The following GKAP1 variants were observed in gnomAD, a reference collection of about 807,000 sequenced individuals.
The protein encoded by GKAP1 is G kinase-anchoring protein 1.
A neutral mutation model predicts 56.7 loss-of-function variants in GKAP1; 31 were observed. The observed-to-expected ratio is 0.55, with a 90% CI of 0.41 to 0.74. The LOEUF (loss-of-function observed/expected upper bound fraction) is 0.74, where lower values mean the gene tolerates loss of function less well. Among genes scored for constraint, GKAP1 ranks in the 30% least tolerant of loss-of-function variants. The pLI, the probability that GKAP1 is intolerant of heterozygous loss-of-function variation, is 0.00. For synonymous variants in GKAP1, 151 were observed against 138.6 expected (o/e 1.09, Z -0.63); for missense variants, 364 against 402.3 (o/e 0.90, Z 0.82).
At chr9:83,744,705 G>C (rs1038039798) in intron 10 of GKAP1, among the ~76,000 whole-genome samples, 2 of 152,024 alleles carry the variant, frequency 1.3e-5, no homozygotes, top group Admixed American at 6.6e-5. Flanking sequence ...CTTTGAGACA[G>C]GTGTATTAGT....
intron 4 of GKAP1, among the ~76,000 whole-genome samples, chr9:83,795,490 TAG>T (rs1944229399): frequency 6.6e-6 from 1 of 152,120 alleles, no homozygotes; most frequent in Non-Finnish European, 1.5e-5. Context: ...GCTCTTTATT[TAG>T]ATTTTCTTTT....
chr9:83,800,491 G>A (rs981313873), intron 3 of GKAP1, among the ~76,000 whole-genome samples: 1 of 151,834 alleles, frequency 6.6e-6, no homozygotes, highest in Non-Finnish European at 1.5e-5. Flanking sequence ...ATGCCACCAC[G>A]CCCAGATACT....
At chr9:83,768,405 C>A (rs1943699295) in intron 8 of GKAP1, among the ~76,000 whole-genome samples, 1 of 152,206 alleles carries the variant, frequency 6.6e-6, no homozygotes, top group African/African-American at 2.4e-5. Flanking sequence ...TGATCAATTA[C>A]CTTTGCTATT....
chr9:83,814,909 C>T (rs1944561031), intron 2 of GKAP1, among the ~76,000 whole-genome samples: 1 of 152,234 alleles, frequency 6.6e-6, no homozygotes, highest in African/African-American at 2.4e-5. Flanking sequence ...CATGGTGGCT[C>T]ACGCCTGTAA....
intron 8 of GKAP1, among the ~76,000 whole-genome samples, chr9:83,766,580 C>A (rs186819656): frequency 6.6e-6 from 1 of 152,130 alleles, no homozygotes; most frequent in Non-Finnish European, 1.5e-5. Flanking sequence ...CCATATAACA[C>A]AAATGTTAAT....
At chr9:83,762,469 G>A (rs767159493) in intron 8 of GKAP1, among the ~76,000 whole-genome samples, 1 of 151,878 alleles carries the variant, frequency 6.6e-6, no homozygotes, top group East Asian at 1.9e-4. Flanking sequence ...TTAAAATGTC[G>A]ATACCACCCA....
intron 6 of GKAP1, among the ~76,000 whole-genome samples, chr9:83,782,541 A>G (rs894473862): frequency 6.6e-6 from 1 of 150,784 alleles, no homozygotes; most frequent in African/African-American, 2.4e-5. Context: ...TGTATTTAGT[A>G]GAGATGGGGT....
chr9:83,747,161 T>G (rs1479295331), intron 10 of GKAP1, among the ~76,000 whole-genome samples: 1 of 152,206 alleles, frequency 6.6e-6, no homozygotes, highest in Non-Finnish European at 1.5e-5. Context: ...ACTAAAAAAT[T>G]AACATATATT....
At chr9:83,784,017 C>T (rs1205207726) in intron 6 of GKAP1, among the ~76,000 whole-genome samples, 1 of 149,772 alleles carries the variant, frequency 6.7e-6, no homozygotes, top group African/African-American at 2.4e-5. Flanking sequence ...GTAATCCCAG[C>T]AGTTTGGGAG....
chr9:83,812,244 CGT>C (rs1944516634), intron 2 of GKAP1, among the ~76,000 whole-genome samples: 3 of 146,464 alleles, frequency 2.0e-5, no homozygotes, highest in Non-Finnish European at 3.0e-5. Flanking sequence ...TACATATATA[CGT>C]ATATATGTAT....
At chr9:83,763,600 C>T (rs970948187) in intron 8 of GKAP1, among the ~76,000 whole-genome samples, 1 of 152,098 alleles carries the variant, frequency 6.6e-6, no homozygotes, top group Admixed American at 6.6e-5. Flanking sequence ...AACCCAAATT[C>T]TACTCTAAGT....
At chr9:83,792,978 C>G in intron 4 of GKAP1, 2 of 1,275,888 alleles carry the variant, frequency 1.6e-6, no homozygotes, top group Non-Finnish European at 2.0e-6. Flanking sequence ...TACTTCAGAT[C>G]CCCTTCCTCT....
At chr9:83,812,332 T>G in intron 2 of GKAP1, among the ~76,000 whole-genome samples, 1 of 148,272 alleles carries the variant, frequency 6.7e-6, no homozygotes, top group African/African-American at 2.5e-5. Context: ...TATACACACG[T>G]ATATATATAC....
In GKAP1 at chr9:83,784,186, G is replaced by A. The variant is rs183125907; in HGVS notation, c.562+529C>T. On this transcript the variant is annotated intron_variant, in intron 6 of 12. Transcript: ENST00000376371. ...GGAGACTGAGGCATAAGAATTGCTT[G>A]AGTCGTGGAGGCGGAGGTTACAGTG... Among the ~76,000 whole-genome samples, 3 of 151,886 alleles carry A rather than the reference G, an allele frequency of 2.0e-5. No homozygotes were observed. The East Asian group carries it at 5.8e-4, about 30-fold the overall frequency.
intron 7 of GKAP1, among the ~76,000 whole-genome samples, chr9:83,779,394 T>C (rs1017277613): frequency 6.7e-6 from 1 of 148,756 alleles, no homozygotes; most frequent in African/African-American, 2.5e-5. Context: ...GTGAAGCAAA[T>C]GTTTGAAACA....
intron 9 of GKAP1, chr9:83,748,628 A>G (rs1232272331): frequency 1.7e-5 from 4 of 230,194 alleles, no homozygotes; most frequent in African/African-American, 2.3e-5. Context: ...ACTCAAGATA[A>G]TACTAAATTT....
chr9:83,790,621 AAAAACAAAAC>A (rs892365652), intron 4 of GKAP1, among the ~76,000 whole-genome samples: 4 of 147,452 alleles, frequency 2.7e-5, no homozygotes, highest in Admixed American at 7.3e-5. Flanking sequence ...TAAAAATACA[AAAAACAAAAC>A]AAAACAAAAC....
chr9:83,775,904 GAGAAA>G (rs1214476472), intron 7 of GKAP1, among the ~76,000 whole-genome samples: 11 of 144,500 alleles, frequency 7.6e-5, no homozygotes, highest in Non-Finnish European at 1.2e-4. Flanking sequence ...AAAAAAGAGA[GAGAAA>G]AGAAAAGAAA....
chr9:83,755,810 T>G (rs866226316), intron 8 of GKAP1, among the ~76,000 whole-genome samples: 1 of 148,984 alleles, frequency 6.7e-6, no homozygotes, highest in East Asian at 1.9e-4. Context: ...TTTTTTTTTT[T>G]TTTTTTTTTT....
Sources: gnomAD v4.1 joint callset for allele counts (sites outside exome capture counted in the v4.1 genomes callset) on GRCh38, gnomAD v4.1.1 for gene constraint, MANE v1.5 for transcripts, NCBI Gene and HGNC (gene_info 2026-07-23, HGNC 2026-07-21) for gene names.